LRRC7: variants seen among roughly 807,000 people sequenced by gnomAD.
The protein encoded by LRRC7 is leucine-rich repeat-containing protein 7.
A neutral mutation model predicts 175.7 loss-of-function variants in LRRC7; 23 were observed. The observed-to-expected ratio is 0.13, with a 90% CI of 0.09 to 0.19. LRRC7 has a LOEUF of 0.19. LRRC7 is among the 10% of genes least tolerant of loss of function. LRRC7 has a pLI of 1.00. For synonymous variants in LRRC7, 685 were observed against 680.9 expected, an observed-to-expected ratio of 1.01 and a Z score of -0.09; for missense variants, 1,354 against 1,904.7, an observed-to-expected ratio of 0.71 and a Z score of 5.38.
At chr1:69,648,408 T>G (rs1655308746) in intron 1 of LRRC7, among the ~76,000 whole-genome samples, 1 of 152,080 alleles carries the variant, frequency 6.6e-6, no homozygotes, top group Admixed American at 6.6e-5. Context: ...TGGAGCCTAT[T>G]AATCCTGAAA....
At chr1:69,631,571 C>G (rs558928629) in intron 1 of LRRC7, among the ~76,000 whole-genome samples, 65 of 152,160 alleles carry the variant, frequency 4.3e-4, no homozygotes, top group Middle Eastern at 3.4e-3. Context: ...AGGTCCTCCC[C>G]CGACAGTCGC....
chr1:69,932,156 A>G (rs568536072), intron 8 of LRRC7, among the ~76,000 whole-genome samples: 27 of 152,330 alleles, frequency 1.8e-4, no homozygotes, highest in South Asian at 6.2e-4. Flanking sequence ...AAAATCTCAG[A>G]TGCAAATCAG....
Position 69,677,560 on chromosome 1 carries a change from A to G in LRRC7, c.3-821A>G, listed in dbSNP as rs1369972134. Among the ~76,000 whole-genome samples the G allele has an allele frequency of 2.6e-5, 4 of 152,114 alleles. No homozygotes were observed. In the East Asian group the frequency reaches 7.7e-4, roughly 29 times the overall value. On this transcript the variant is annotated intron_variant, in intron 1 of 26. Transcript: ENST00000651989. Reference sequence around the variant, plus strand: ...CAGTGTATAAGTGTTCCTTTTTCACATCCATGCCAACATCTATTGTATTTT... The same window carrying G: ...CAGTGTATAAGTGTTCCTTTTTCACGTCCATGCCAACATCTATTGTATTTT...
chr1:69,835,539 T>A (rs970370245), intron 6 of LRRC7, among the ~76,000 whole-genome samples: 3 of 151,946 alleles, frequency 2.0e-5, no homozygotes, highest in Non-Finnish European at 4.4e-5. Flanking sequence ...TGCAAAAAAA[T>A]TTTTTAGAGT....
chr1:70,118,996 G>T (rs915759885), intron 26 of LRRC7, among the ~76,000 whole-genome samples: 6 of 151,480 alleles, frequency 4.0e-5, no homozygotes, highest in Admixed American at 3.9e-4. Flanking sequence ...TTTTATGGTT[G>T]CTTCCCATGC....
At chr1:69,791,440 C>T (rs908607414) in intron 3 of LRRC7, among the ~76,000 whole-genome samples, 12 of 152,098 alleles carry the variant, frequency 7.9e-5, no homozygotes, top group Middle Eastern at 3.4e-3. Flanking sequence ...CTCTTTCCCA[C>T]CTAATACTTT....
chr1:69,882,746 C>T (rs1344613751), intron 7 of LRRC7, among the ~76,000 whole-genome samples: 2 of 149,224 alleles, frequency 1.3e-5, no homozygotes, highest in African/African-American at 4.9e-5. Context: ...GTATATCTCC[C>T]AATGCTATCC....
chr1:69,871,009 T>C (rs1368027858), intron 7 of LRRC7, among the ~76,000 whole-genome samples: 1 of 152,154 alleles, frequency 6.6e-6, no homozygotes, highest in Non-Finnish European at 1.5e-5. Context: ...AAGACTGCTC[T>C]AGCTGATGAC....
intron 1 of LRRC7, among the ~76,000 whole-genome samples, chr1:69,677,233 TTATA>T (rs951670253): frequency 9.6e-6 from 1 of 103,678 alleles, no homozygotes; most frequent in Non-Finnish European, 2.3e-5. Context: ...ATAACATATA[TTATA>T]TATGTTATAT....
chr1:69,803,744 C>G (rs984279880), intron 4 of LRRC7, among the ~76,000 whole-genome samples: 4 of 151,168 alleles, frequency 2.6e-5, no homozygotes, highest in African/African-American at 9.7e-5. Context: ...TCATAAATTA[C>G]AATCTAATTA....
At chr1:69,589,726 T>C (rs1646555796) in intron 1 of LRRC7, among the ~76,000 whole-genome samples, 2 of 152,184 alleles carry the variant, frequency 1.3e-5, no homozygotes, top group Admixed American at 1.3e-4. Flanking sequence ...ATTCACACTA[T>C]AGTTTGGCTT....
chr1:69,830,613 A>G (rs1680420135), intron 5 of LRRC7, among the ~76,000 whole-genome samples: 1 of 151,908 alleles, frequency 6.6e-6, no homozygotes, highest in African/African-American at 2.4e-5. Context: ...ATTATTGTAT[A>G]AACATTCAAC....
chr1:69,737,839 C>T (rs543322443), intron 2 of LRRC7, among the ~76,000 whole-genome samples: 5 of 152,142 alleles, frequency 3.3e-5, no homozygotes, highest in Admixed American at 1.3e-4. Context: ...CAGTCTCATA[C>T]CAGAGTTTTG....
At chr1:69,942,082 T>C (rs1648781703) in intron 8 of LRRC7, among the ~76,000 whole-genome samples, 1 of 152,138 alleles carries the variant, frequency 6.6e-6, no homozygotes, top group South Asian at 2.1e-4. Flanking sequence ...CAATACATGC[T>C]CTGGCCCTGC....
intron 10 of LRRC7, 43 bp downstream of exon 10, chr1:69,986,429 A>G: frequency 6.4e-7 from 1 of 1,554,536 alleles, no homozygotes. Flanking sequence ...TGTCAAATAT[A>G]CCATTTTCTT....
At chr1:70,037,980 C>G in intron 20 of LRRC7, 133 bp from the exon 21 acceptor site, 1 of 1,219,578 alleles carries the variant, frequency 8.2e-7, no homozygotes, top group Non-Finnish European at 1.1e-6. Flanking sequence ...ATAATACTAT[C>G]TTAATCATAA....
chr1:70,127,143 C>T lies in LRRC7; in HGVS notation c.*5256C>T, dbSNP rs1157312723. Among the ~76,000 whole-genome samples the T allele has an allele frequency of 6.6e-6, 1 of 152,152 alleles. No homozygotes were observed. The highest frequency in any genetic ancestry group is 1.5e-5 in the Non-Finnish European group (1 of 68,018). ...TGTTACTGACAACAACAAACAAAGC[C>T]TGTGTGCAATGGTGGGGGTGGCAAT... On this transcript the variant is annotated 3_prime_UTR_variant, in exon 27 of 27. Coordinates refer to ENST00000651989, the MANE Select transcript of LRRC7 (RefSeq NM_001370785.2).
chr1:69,652,681 A>C (rs1656030225), intron 1 of LRRC7, among the ~76,000 whole-genome samples: 1 of 152,078 alleles, frequency 6.6e-6, no homozygotes, highest in Non-Finnish European at 1.5e-5. Flanking sequence ...AGGACTCTGA[A>C]TAGCCATAAC....
chr1:69,614,050 A>G (rs1649227618), intron 1 of LRRC7, among the ~76,000 whole-genome samples: 1 of 149,936 alleles, frequency 6.7e-6, no homozygotes, highest in Non-Finnish European at 1.5e-5. Context: ...GAAAATTATC[A>G]TTTATGAATG....
Sources: gnomAD v4.1 joint callset for allele counts (sites outside exome capture counted in the v4.1 genomes callset) on GRCh38, gnomAD v4.1.1 for gene constraint, MANE v1.5 for transcripts, NCBI Gene and HGNC (gene_info 2026-07-23, HGNC 2026-07-21) for gene names.